Variants in NT5C3A observed in about 807,000 individuals in gnomAD.
NT5C3A encodes the protein cytosolic 5'-nucleotidase 3A.
NT5C3A carries 23 observed loss-of-function variants against 40.0 expected under a neutral mutation model. That is an observed-to-expected ratio of 0.58 (90% confidence interval 0.41 to 0.81). NT5C3A has a LOEUF of 0.81. Ranked by LOEUF, NT5C3A falls within the 40% of genes least tolerant of loss-of-function variation. The probability of loss-of-function intolerance (pLI) is 0.00; values close to 1 mark genes in which losing one functional copy is unlikely to be tolerated. For synonymous variants in NT5C3A, 130 were observed against 141.4 expected, an observed-to-expected ratio of 0.92 and a Z score of 0.57; for missense variants, 328 against 403.0, an observed-to-expected ratio of 0.81 and a Z score of 1.59.
chr7:33,040,687 C>T (rs1455990042), intron 1 of NT5C3A, among the ~76,000 whole-genome samples: 1 of 151,946 alleles, frequency 6.6e-6, no homozygotes, highest in East Asian at 1.9e-4. Context: ...ACCTAAGACT[C>T]TTCAAAGTTT....
chr7:33,050,682 C>T (rs528894718), intron 1 of NT5C3A, among the ~76,000 whole-genome samples: 1 of 152,302 alleles, frequency 6.6e-6, no homozygotes, highest in Non-Finnish European at 1.5e-5. Flanking sequence ...CTTTAATGAA[C>T]TGCTAAACTA....
chr7:33,029,744 T>C (rs1250009519), intron 1 of NT5C3A: 1 of 1,241,266 alleles, frequency 8.1e-7, no homozygotes, highest in African/African-American at 1.5e-5. Flanking sequence ...TTTATTTTAT[T>C]TTTATAGAGA....
chr7:33,028,188 A>G (rs1240776357), intron 1 of NT5C3A, among the ~76,000 whole-genome samples: 1 of 152,208 alleles, frequency 6.6e-6, no homozygotes, highest in Non-Finnish European at 1.5e-5. Context: ...ACATGCCTGT[A>G]ATCCCAGCTA....
intron 1 of NT5C3A, among the ~76,000 whole-genome samples, chr7:33,042,937 T>C (rs562529481): frequency 2.6e-5 from 4 of 152,342 alleles, no homozygotes; most frequent in African/African-American, 7.2e-5. Context: ...AATATAAAAT[T>C]ATACTGCTCT....
At chr7:33,033,320 A>G (rs562836761) in intron 1 of NT5C3A, among the ~76,000 whole-genome samples, 106 of 152,354 alleles carry the variant, frequency 7.0e-4, no homozygotes, top group Admixed American at 1.2e-3. Flanking sequence ...CCCCACACAT[A>G]GATGATTCTC....
chr7:33,017,205 A>T (rs997570385), intron 7 of NT5C3A: 97 of 500,890 alleles, frequency 1.9e-4, no homozygotes, highest in Admixed American at 1.1e-4. Context: ...AAAAAAGAAG[A>T]AGTTTTACTA....
At chr7:33,053,090 C>G (rs1010977297) in intron 1 of NT5C3A, among the ~76,000 whole-genome samples, 1 of 152,140 alleles carries the variant, frequency 6.6e-6, no homozygotes, top group Non-Finnish European at 1.5e-5. Flanking sequence ...ACCTCTTGCC[C>G]GCCAATCAAT....
At position 33,062,503 on chromosome 7, in the gene NT5C3A, C is replaced by T. The variant is rs879517967; in HGVS notation, c.138+65G>A. On this transcript the variant is annotated intron_variant, in intron 1 of 8. Transcript: ENST00000610140. ...CGAACAGCGGCCCAGCACAGGCTGC[C>T]GAGGCCAGCGGACGGCCCAGCCGGC... is the stretch of plus-strand genomic sequence containing the variant. 35 of 1,456,276 alleles carry T rather than the reference C, an allele frequency of 2.4e-5. No homozygotes were observed. The Admixed American group carries it at 5.8e-4, about 24-fold the overall frequency. The allele number at this position is 1,456,276 out of a possible 1,614,324, so 90.2% of individuals were successfully genotyped here. A position where few individuals can be genotyped will look rare whatever the true frequency, so the allele number is the denominator to read the frequency against.
intron 5 of NT5C3A, among the ~76,000 whole-genome samples, chr7:33,020,310 C>G (rs1310074872): frequency 6.6e-6 from 1 of 151,648 alleles, no homozygotes; most frequent in Non-Finnish European, 1.5e-5. Flanking sequence ...GAAAAAAAAG[C>G]CTAACTCTTC....
intron 6 of NT5C3A, among the ~76,000 whole-genome samples, chr7:33,018,751 G>A (rs941619633): frequency 2.6e-5 from 4 of 151,862 alleles, no homozygotes; most frequent in South Asian, 2.1e-4. Context: ...TCAGGAGACT[G>A]AGGCAGGAGA....
intron 1 of NT5C3A, among the ~76,000 whole-genome samples, chr7:33,047,692 G>C (rs182877884): frequency 6.6e-6 from 1 of 152,014 alleles, no homozygotes; most frequent in Non-Finnish European, 1.5e-5. Context: ...AAAAATAAAG[G>C]AAGTACACTT....
chr7:33,030,792 G>A (rs1786204915), intron 1 of NT5C3A, among the ~76,000 whole-genome samples: 2 of 152,152 alleles, frequency 1.3e-5, no homozygotes, highest in Admixed American at 1.3e-4. Flanking sequence ...TGGATACACT[G>A]GGATAAGATA....
intron 1 of NT5C3A, among the ~76,000 whole-genome samples, chr7:33,039,370 T>C (rs977476849): frequency 1.3e-5 from 2 of 152,248 alleles, no homozygotes; most frequent in Non-Finnish European, 1.5e-5. Flanking sequence ...TTAATTGTGA[T>C]ACTCGCAGAA....
chr7:33,031,488 A>T (rs963698835), intron 1 of NT5C3A, among the ~76,000 whole-genome samples: 24 of 152,040 alleles, frequency 1.6e-4, no homozygotes, highest in Admixed American at 6.6e-4. Flanking sequence ...CTCGGAGGCT[A>T]AGGTGGGAGG....
intron 1 of NT5C3A, among the ~76,000 whole-genome samples, chr7:33,046,511 G>T (rs1294983158): frequency 7.1e-6 from 1 of 141,138 alleles, no homozygotes; most frequent in Admixed American, 7.4e-5. Context: ...TTCAGCCTGT[G>T]TGACAGGGGG....
intron 5 of NT5C3A, 22 bp downstream of exon 5, chr7:33,021,250 C>T (rs772568780): frequency 6.2e-7 from 1 of 1,609,944 alleles, no homozygotes; most frequent in South Asian, 1.1e-5. Flanking sequence ...TTTAATCCTC[C>T]TACTGCCTAA....
intron 1 of NT5C3A, among the ~76,000 whole-genome samples, chr7:33,033,485 T>C (rs1373374943): frequency 6.6e-6 from 1 of 152,212 alleles, no homozygotes; most frequent in Non-Finnish European, 1.5e-5. Context: ...GTGAAGCCGC[T>C]CTGTAAGAGA....
chr7:33,052,485 CAAAAAA>C (rs60149792), intron 1 of NT5C3A, among the ~76,000 whole-genome samples: 6 of 74,240 alleles, frequency 8.1e-5, no homozygotes, highest in African/African-American at 1.1e-4. Context: ...GACTCGGTCT[CAAAAAA>C]AAAAAAAAAA....
In NT5C3A at chr7:33,062,722, C is replaced by T; in HGVS notation, c.-17G>A. 1.3e-6 allele frequency: 2 copies of T among 1,553,790 alleles called. No individual in the cohort carries two copies. Among genetic ancestry groups the T allele is most frequent in the Non-Finnish European group, 8.7e-7 (1 of 1,149,000 alleles). ...GCGGTCCATGGACGGGGCCCTCATG[C>T]GCGTCCAAGCAGGAAAAAAACAGGC... On this transcript the variant is annotated 5_prime_UTR_variant, in exon 1 of 9. Coordinates refer to ENST00000610140, the MANE Select transcript of NT5C3A (RefSeq NM_001002010.5).
Sources: gnomAD v4.1 joint callset for allele counts (sites outside exome capture counted in the v4.1 genomes callset) on GRCh38, gnomAD v4.1.1 for gene constraint, MANE v1.5 for transcripts, NCBI Gene and HGNC (gene_info 2026-07-23, HGNC 2026-07-21) for gene names.